The following ABCB4 variants were observed in gnomAD, a reference collection of about 807,000 sequenced individuals.
The protein encoded by ABCB4 is ATP binding cassette subfamily B member 4.
A neutral mutation model predicts 145.7 loss-of-function variants in ABCB4; 76 were observed. The ratio of observed to expected loss-of-function variants is 0.52; its 90% CI spans 0.43 to 0.63. The LOEUF (loss-of-function observed/expected upper bound fraction) is 0.63. Among genes scored for constraint, ABCB4 ranks in the 30% least tolerant of loss-of-function variants. The probability of loss-of-function intolerance (pLI) is 0.00; values close to 1 mark genes in which losing one functional copy is unlikely to be tolerated. For missense variants in ABCB4, 1,234 were observed against 1,553.1 expected, an observed-to-expected ratio of 0.79 and a Z score of 3.45; for synonymous variants, 517 against 566.8, an observed-to-expected ratio of 0.91 and a Z score of 1.25.
At chr7:87,427,145 T>C (rs1218981685) in intron 15 of ABCB4, among the ~76,000 whole-genome samples, 2 of 151,994 alleles carry the variant, frequency 1.3e-5, no homozygotes, top group African/African-American at 4.8e-5. Context: ...AATCGGAGTA[T>C]AAGAATATTT....
chr7:87,443,821 T>C, intron 10 of ABCB4, 48 bp from the exon 11 acceptor site: 1 of 1,479,228 alleles, frequency 6.8e-7, no homozygotes, highest in Non-Finnish European at 9.4e-7. Context: ...CACAAACAAG[T>C]TGCATTTTTA....
At position 87,417,534 on chromosome 7, in the gene ABCB4, A is replaced by G; in HGVS notation, c.2479-19T>C. 6.2e-7 allele frequency: 1 copy of G among 1,610,174 alleles called. No homozygotes were observed. The highest frequency in any genetic ancestry group is 8.5e-7 in the Non-Finnish European group (1 of 1,176,508). On this transcript the variant is annotated intron_variant, in intron 20 of 27. Coordinates refer to ENST00000649586, the MANE Select transcript of ABCB4 (RefSeq NM_000443.4). Reference sequence around the variant, plus strand: ...CTGTGGCCTGGGAGAGAAAAAGCACAAAGCAACTGTAGTTTTAAGCTCCAA... The same window carrying G: ...CTGTGGCCTGGGAGAGAAAAAGCACGAAGCAACTGTAGTTTTAAGCTCCAA...
chr7:87,366,277 G>T, the ABCB4 span, among the ~76,000 whole-genome samples: 1 of 151,870 alleles, frequency 6.6e-6, no homozygotes, highest in Non-Finnish European at 1.5e-5. Context: ...TACAGGGCCT[G>T]TGGGAGGTGT....
intron 12 of ABCB4, among the ~76,000 whole-genome samples, chr7:87,443,055 T>C (rs1811090967): frequency 6.6e-6 from 1 of 152,250 alleles, no homozygotes; most frequent in Non-Finnish European, 1.5e-5. Flanking sequence ...GTTTGTAGAC[T>C]GCTTTGCAGT....
At chr7:87,444,303 A>T (rs942554067) in intron 10 of ABCB4, among the ~76,000 whole-genome samples, 3 of 152,244 alleles carry the variant, frequency 2.0e-5, no homozygotes, top group Admixed American at 6.5e-5. Context: ...GAAATTGCTT[A>T]GATTAAATGA....
At chr7:87,410,620 C>G (rs942625070) in intron 23 of ABCB4, among the ~76,000 whole-genome samples, 1 of 152,154 alleles carries the variant, frequency 6.6e-6, no homozygotes, top group Non-Finnish European at 1.5e-5. Flanking sequence ...TAGTTGTACT[C>G]TAAGTTGTAA....
chr7:87,382,783 TG>T, the ABCB4 span, among the ~76,000 whole-genome samples: 1 of 152,222 alleles, frequency 6.6e-6, no homozygotes, highest in African/African-American at 2.4e-5. Flanking sequence ...TATTCTCATC[TG>T]AAAGAGGATT....
intron 21 of ABCB4, among the ~76,000 whole-genome samples, chr7:87,414,857 A>C (rs991415350): frequency 1.3e-5 from 2 of 152,228 alleles, no homozygotes; most frequent in African/African-American, 4.8e-5. Flanking sequence ...CACCAATATG[A>C]TCTCATTTAG....
intron 3 of ABCB4, among the ~76,000 whole-genome samples, chr7:87,465,094 A>T (rs1336170378): frequency 6.6e-6 from 1 of 152,196 alleles, no homozygotes; most frequent in Non-Finnish European, 1.5e-5. Context: ...TCACCCGAGA[A>T]GCACAAGAGG....
chr7:87,474,902 G>C (rs1275366597), intron 2 of ABCB4, among the ~76,000 whole-genome samples: 9 of 152,280 alleles, frequency 5.9e-5, no homozygotes, highest in South Asian at 4.2e-4. Flanking sequence ...ATGAGAGGAG[G>C]GGGAGGGGTA....
At chr7:87,405,066 C>T (rs558568293) in intron 26 of ABCB4, among the ~76,000 whole-genome samples, 1 of 152,118 alleles carries the variant, frequency 6.6e-6, no homozygotes, top group African/African-American at 2.4e-5. Flanking sequence ...AACCTGTATA[C>T]AAGTATTTAC....
At chr7:87,452,441 G>C (rs1269726432) in intron 6 of ABCB4, 1 of 161,850 alleles carries the variant, frequency 6.2e-6, no homozygotes, top group East Asian at 1.8e-4. Context: ...TCCCAGTCAG[G>C]AAAGTTTATC....
At chr7:87,438,192 C>T (rs147703584) in intron 14 of ABCB4, among the ~76,000 whole-genome samples, 2 of 152,132 alleles carry the variant, frequency 1.3e-5, no homozygotes, top group African/African-American at 2.4e-5. Flanking sequence ...TCATTCTACC[C>T]GACTTTACTC....
chr7:87,415,747 T>TGTTTC (rs1348627788), intron 21 of ABCB4, among the ~76,000 whole-genome samples: 2 of 152,244 alleles, frequency 1.3e-5, no homozygotes, highest in Non-Finnish European at 2.9e-5. Flanking sequence ...GATTTTGTTT[T>TGTTTC]GTTTCAATAC....
rs1276601407 is a variant in ABCB4 at position 87,456,426 on chromosome 7, G to A, written c.287-1834C>T. On this transcript the variant is annotated intron_variant, in intron 4 of 27. Transcript: ENST00000649586. ...TGGTGCCCTCCCTGAGATAATGAGC[G>A]AGTTCTCACTCAGTTCATGTGACAG... Among the ~76,000 whole-genome samples the A allele has an allele frequency of 1.3e-5, 2 of 152,022 alleles. 1 individual carries two copies. The highest frequency in any genetic ancestry group is 4.8e-5 in the African/African-American group (2 of 41,388).
intron 4 of ABCB4, among the ~76,000 whole-genome samples, chr7:87,456,494 T>C (rs1812109667): frequency 6.6e-6 from 1 of 152,122 alleles, no homozygotes; most frequent in Admixed American, 6.6e-5. Flanking sequence ...CTGCTCCCTC[T>C]CTCTCCATGT....
chr7:87,460,986 G>A (rs1190860720), intron 4 of ABCB4, among the ~76,000 whole-genome samples: 1 of 150,562 alleles, frequency 6.6e-6, no homozygotes, highest in African/African-American at 2.4e-5. Flanking sequence ...TTCTTGAGAC[G>A]GAGTTTTGCT....
chr7:87,431,545 G>A lies in ABCB4; in HGVS notation c.1752C>T (p.Thr584=), dbSNP rs1810230962. The change falls in exon 15 of 28, where the codon ACC becomes ACT. Residue 584 remains threonine, a synonymous_variant. Coordinates refer to ENST00000649586, the MANE Select transcript of ABCB4 (RefSeq NM_000443.4). ...TAGACAGTCGGTGTGCTATCACAAT[G>A]GTGGTCCGGCCTTCTCTGGCCTAAA... ...ALDKAREGRT[T]IVIAHRLSTV... is the part of the protein sequence containing the mutation. 1 of 1,614,072 alleles carries A rather than the reference G, an allele frequency of 6.2e-7. No homozygotes were observed. The highest frequency in any genetic ancestry group is 2.2e-5 in the East Asian group (1 of 44,882).
chr7:87,467,282 A>C (rs767648811), intron 3 of ABCB4, among the ~76,000 whole-genome samples: 137 of 152,350 alleles, frequency 9.0e-4, no homozygotes, highest in Admixed American at 1.8e-3. Flanking sequence ...TTAAACCAAC[A>C]AAGATCAAAA....
Sources: allele counts gnomAD v4.1 joint callset (sites outside exome capture counted in the v4.1 genomes callset), GRCh38; gene constraint gnomAD v4.1.1; transcripts MANE v1.5; gene names NCBI Gene and HGNC (gene_info 2026-07-23, HGNC 2026-07-21).